Variants in COMMD10 observed in about 807,000 individuals in gnomAD.
The protein encoded by COMMD10 is COMM domain-containing protein 10.
In COMMD10, 33 loss-of-function variants were observed where a neutral mutation model predicts 28.9. That is an observed-to-expected ratio of 1.14 (90% CI 0.87 to 1.53). The LOEUF (loss-of-function observed/expected upper bound fraction) is 1.53, where lower values mean the gene tolerates loss of function less well. Among genes scored for constraint, COMMD10 ranks in the 40% most tolerant of loss-of-function variants. The pLI, the probability that COMMD10 is intolerant of heterozygous loss-of-function variation, is 0.00. For missense variants in COMMD10, 310 were observed against 233.4 expected, an observed-to-expected ratio of 1.33 and a Z score of -2.14; for synonymous variants, 110 against 81.7, an observed-to-expected ratio of 1.35 and a Z score of -1.87.
At chr5:116,285,678 C>T (rs764348136) in intron 5 of COMMD10, among the ~76,000 whole-genome samples, 2 of 151,880 alleles carry the variant, frequency 1.3e-5, no homozygotes, top group Non-Finnish European at 2.9e-5. Context: ...TATGCTGAAC[C>T]ATGCTTGCAT....
At chr5:116,125,296 C>G (rs1751585472) in intron 4 of COMMD10, among the ~76,000 whole-genome samples, 1 of 152,124 alleles carries the variant, frequency 6.6e-6, no homozygotes, top group South Asian at 2.1e-4. Flanking sequence ...TTTTATTTCT[C>G]CTTCACATAT....
At chr5:116,283,075 A>AG (rs1751117082) in intron 5 of COMMD10, among the ~76,000 whole-genome samples, 1 of 151,914 alleles carries the variant, frequency 6.6e-6, no homozygotes, top group South Asian at 2.1e-4. Context: ...TTCTCCCTTA[A>AG]GCAGGTATCA....
At chr5:116,112,560 A>G (rs1170544549) in intron 4 of COMMD10, among the ~76,000 whole-genome samples, 1 of 151,974 alleles carries the variant, frequency 6.6e-6, no homozygotes, top group African/African-American at 2.4e-5. Context: ...GCCACCATGC[A>G]CAGCTAATTT....
intron 5 of COMMD10, among the ~76,000 whole-genome samples, chr5:116,162,459 C>T (rs772834110): frequency 1.3e-5 from 2 of 152,166 alleles, no homozygotes; most frequent in African/African-American, 4.8e-5. Flanking sequence ...ACAGAAGTTG[C>T]ATAATAGCTG....
chr5:116,125,445 G>A (rs1201285110), intron 4 of COMMD10, among the ~76,000 whole-genome samples: 1 of 152,100 alleles, frequency 6.6e-6, no homozygotes, highest in Non-Finnish European at 1.5e-5. Context: ...GTTTCCCTTT[G>A]TGGGTAACCC....
At chr5:116,160,458 A>C (rs1230389679) in intron 5 of COMMD10, among the ~76,000 whole-genome samples, 1 of 152,170 alleles carries the variant, frequency 6.6e-6, no homozygotes, top group African/African-American at 2.4e-5. Flanking sequence ...TGCTCTTTTT[A>C]ATTAAATGTG....
chr5:116,195,817 A>G (rs968207229), intron 5 of COMMD10, among the ~76,000 whole-genome samples: 2 of 152,198 alleles, frequency 1.3e-5, no homozygotes, highest in Admixed American at 6.5e-5. Flanking sequence ...CAAATGGCCA[A>G]CAAACATATG....
Position 116,293,130 on chromosome 5 carries a change from A to G in COMMD10, c.*641A>G. On this transcript the variant is annotated 3_prime_UTR_variant, in exon 7 of 7. Coordinates refer to ENST00000274458, the MANE Select transcript of COMMD10 (RefSeq NM_016144.4). ...GTGTTTTTCTTTATACTGCAAATTA[A>G]TAATGATTCACTTTATAGTTTGGGA... 1 of 395,338 alleles carries G rather than the reference A, an allele frequency of 2.5e-6. No individual in the cohort carries two copies. Among genetic ancestry groups the G allele is most frequent in the Non-Finnish European group, 4.5e-6 (1 of 223,854 alleles). The allele number at this position is 395,338 out of a possible 1,614,324, so 24.5% of individuals were successfully genotyped here. A position where few individuals can be genotyped will look rare whatever the true frequency, so the allele number is the denominator to read the frequency against.
chr5:116,287,916 A>G (rs941094635), intron 5 of COMMD10, among the ~76,000 whole-genome samples: 1 of 151,832 alleles, frequency 6.6e-6, no homozygotes, highest in Non-Finnish European at 1.5e-5. Context: ...GTACATTAAT[A>G]TAGATTTATG....
chr5:116,165,895 G>A (rs1289712688), intron 5 of COMMD10, among the ~76,000 whole-genome samples: 2 of 152,076 alleles, frequency 1.3e-5, no homozygotes, highest in Middle Eastern at 3.2e-3. Flanking sequence ...GGGTATACAA[G>A]AATTCAGTTA....
At chr5:116,200,827 T>C (rs1038458676) in intron 5 of COMMD10, among the ~76,000 whole-genome samples, 2 of 152,098 alleles carry the variant, frequency 1.3e-5, no homozygotes, top group Non-Finnish European at 2.9e-5. Flanking sequence ...CTTAGAGCCC[T>C]TAGCATATTA....
At chr5:116,195,394 T>C (rs774270383) in intron 5 of COMMD10, among the ~76,000 whole-genome samples, 1 of 152,048 alleles carries the variant, frequency 6.6e-6, no homozygotes, top group Non-Finnish European at 1.5e-5. Context: ...AATATGATCG[T>C]TTACCTTGAA....
Position 116,267,374 on chromosome 5 carries a change from A to T in COMMD10, c.511-24143A>T, listed in dbSNP as rs1005848238. ...TGGCTTCAAAGAGAATAAAATACCT[A>T]GGAATCCAATTTACAAGGGATGTGA... is the stretch of plus-strand genomic sequence containing the variant. On this transcript the variant is annotated intron_variant, in intron 5 of 6. Coordinates refer to ENST00000274458, the MANE Select transcript of COMMD10 (RefSeq NM_016144.4). Among the ~76,000 whole-genome samples, 15 of 151,948 alleles carry T rather than the reference A, an allele frequency of 9.9e-5. 1 individual carries two copies. The highest frequency in any genetic ancestry group is 3.4e-4 in the African/African-American group (14 of 41,214).
Position 116,091,125 on chromosome 5 carries a change from C to A in COMMD10, c.179C>A (p.Ala60Glu). The A allele has an allele frequency of 6.2e-7, 1 of 1,612,196 alleles. No homozygotes were observed. The highest frequency in any genetic ancestry group is 8.5e-7 in the Non-Finnish European group (1 of 1,179,008). ...GAAGAGGAAGAAAAACTTCAAGCGG[C>A]ATTTTCTCTAGAGAAACAAGATCTT... ...SEEEEEKLQA[A>E]FSLEKQDLHL... is the part of the protein sequence containing the mutation. The change falls in exon 3 of 7, where the codon GCA becomes GAA. Residue 60 changes from alanine (A) to glutamate (E), a missense_variant. Ala to Glu is a moderately radical substitution (Grantham distance 107, BLOSUM62 -1). Coordinates refer to ENST00000274458, the MANE Select transcript of COMMD10 (RefSeq NM_016144.4).
intron 5 of COMMD10, among the ~76,000 whole-genome samples, chr5:116,150,242 C>T (rs1425183069): frequency 7.2e-5 from 11 of 152,110 alleles, no homozygotes; most frequent in Admixed American, 7.2e-4. Context: ...CAGTACCATG[C>T]TGTTTTGGTT....
At chr5:116,276,645 TAATTC>T (rs1750920622) in intron 5 of COMMD10, among the ~76,000 whole-genome samples, 1 of 151,896 alleles carries the variant, frequency 6.6e-6, no homozygotes, top group Non-Finnish European at 1.5e-5. Context: ...AATCTAACCT[TAATTC>T]AGTTATTTAA....
At chr5:116,254,612 G>C (rs1186258179) in intron 5 of COMMD10, among the ~76,000 whole-genome samples, 1 of 151,690 alleles carries the variant, frequency 6.6e-6, no homozygotes, top group Non-Finnish European at 1.5e-5. Context: ...GTGGTTTTGA[G>C]TGAGATTCTT....
chr5:116,164,546 TAAGC>T (rs1485791241), intron 5 of COMMD10, among the ~76,000 whole-genome samples: 2 of 152,322 alleles, frequency 1.3e-5, no homozygotes, highest in Admixed American at 6.5e-5. Context: ...ATAAAAATGT[TAAGC>T]AAGAACAGTA....
intron 4 of COMMD10, among the ~76,000 whole-genome samples, chr5:116,129,214 A>T (rs1006249918): frequency 6.6e-6 from 1 of 151,176 alleles, no homozygotes; most frequent in Non-Finnish European, 1.5e-5. Flanking sequence ...GAAGCCCCAT[A>T]TATTCTTTAT....
Sources: gnomAD v4.1 joint callset for allele counts (sites outside exome capture counted in the v4.1 genomes callset) on GRCh38, gnomAD v4.1.1 for gene constraint, MANE v1.5 for transcripts, NCBI Gene and HGNC (gene_info 2026-07-23, HGNC 2026-07-21) for gene names.